Variants in CLCNKB observed in about 807,000 individuals in gnomAD.
CLCNKB encodes chloride voltage-gated channel Kb.
In CLCNKB, 74 loss-of-function variants were observed where a neutral mutation model predicts 83.8. The ratio of observed to expected loss-of-function variants is 0.88; its 90% CI spans 0.73 to 1.07. The LOEUF (loss-of-function observed/expected upper bound fraction) is 1.07. Ranked by LOEUF, CLCNKB falls within the 50% of genes least tolerant of loss-of-function variation. The pLI is 0.00. For missense variants in CLCNKB, 798 were observed against 893.6 expected (o/e 0.89, Z 1.36); for synonymous variants, 358 against 356.6 (o/e 1.00, Z -0.04).
At chr1:16,052,052 G>A (rs2023311315) in intron 14 of CLCNKB, 146 bp from the exon 15 acceptor site, 1 of 1,109,732 alleles carries the variant, frequency 9.0e-7, no homozygotes, top group Non-Finnish European at 1.3e-6. Flanking sequence ...CTCTCACCAA[G>A]CCCAGGCACT....
At chr1:16,051,409 C>T (rs1278961785) in intron 12 of CLCNKB, 69 bp from the exon 13 acceptor site, 11 of 1,558,162 alleles carry the variant, frequency 7.1e-6, no homozygotes, top group African/African-American at 1.4e-5. Context: ...TGTCCCATGT[C>T]CTGTCCTCCC....
chr1:16,044,368 C>CACACACACACACACACAT lies in CLCNKB; in HGVS notation c.-7-108_-7-107insACACACATACACACACAC, dbSNP rs1199552467. The CACACACACACACACACAT allele has an allele frequency of 1.0e-5, 8 of 771,784 alleles. No individual in the cohort carries two copies. The African/African-American group carries it at 1.4e-4, about 13-fold the overall frequency. 47.8% of individuals were successfully genotyped at this position (771,784 alleles called of 1,614,324 possible). A position where few individuals can be genotyped will look rare whatever the true frequency, so the allele number is the denominator to read the frequency against. On this transcript the variant is annotated intron_variant, in intron 1 of 19. Coordinates refer to ENST00000375679, the MANE Select transcript of CLCNKB (RefSeq NM_000085.5). ...TGATAACTTCACATACACACACACACACACACACACGCACAATCTTTCCTC... is the reference window on the plus strand; with the variant it reads ...TGATAACTTCACATACACACACACACACACACACACACACACATACACACACACGCACAATCTTTCCTC...
chr1:16,053,699 C>T lies in CLCNKB; in HGVS notation c.1683C>T (p.Asp561=), dbSNP rs762702674. 6.2e-7 allele frequency: 1 copy of T among 1,613,884 alleles called. No individual in the cohort carries two copies. Among genetic ancestry groups the T allele is most frequent in the Admixed American group, 1.7e-5 (1 of 60,002 alleles). Residue 561 remains aspartate, a synonymous_variant, in exon 16 of 20, where the codon GAC becomes GAT. Transcript: ENST00000375679. ...ACAGCATCACCACACTGGCCAAGGACATGCCACTGGAGGAGGTGGTCAAGG... is the reference window on the plus strand; with the variant it reads ...ACAGCATCACCACACTGGCCAAGGATATGCCACTGGAGGAGGTGGTCAAGG... ...MNHSITTLAK[D]MPLEEVVKVV...
Position 16,053,656 on chromosome 1 carries a change from T to C in CLCNKB, c.1640T>C (p.Val547Ala). The change falls in exon 16 of 20, where the codon GTG (valine) becomes GCG (alanine). Residue 547 changes from valine (V) to alanine (A), a missense_variant. Coordinates refer to ENST00000375679, the MANE Select transcript of CLCNKB (RefSeq NM_000085.5). ...GRNIGSHRVR[V>A]EHFMNHSITT... is the part of the protein sequence containing the mutation. ...GCCTGCAGTTCCCACCGCGTGAGGG[T>C]GGAGCACTTCATGAACCACAGCATC... is the stretch of plus-strand genomic sequence containing the variant. 6.2e-7 allele frequency: 1 copy of C among 1,613,786 alleles called. No homozygotes were observed. Among genetic ancestry groups the C allele is most frequent in the Non-Finnish European group, 8.5e-7 (1 of 1,180,010 alleles).
Position 16,056,461 on chromosome 1 carries a change from T to C in CLCNKB, c.1969T>C (p.Phe657Leu). The C allele has an allele frequency of 6.2e-7, 1 of 1,613,964 alleles. No individual in the cohort carries two copies. Among genetic ancestry groups the C allele is most frequent in the Non-Finnish European group, 8.5e-7 (1 of 1,179,968 alleles). Residue 657 changes from phenylalanine (F) to leucine (L), a missense_variant, in exon 19 of 20, where the codon TTT becomes CTT. Coordinates refer to ENST00000375679, the MANE Select transcript of CLCNKB (RefSeq NM_000085.5). Reference protein sequence around the residue: ...LFELLNLHSLFVTSRGRAVGC... With the variant: ...LFELLNLHSLLVTSRGRAVGC... ...TGAGCTGTTGAACCTTCATTCCCTC[T>C]TTGTGACGTCGCGGGGCAGAGCTGT... is the stretch of plus-strand genomic sequence containing the variant.
intron 4 of CLCNKB, among the ~76,000 whole-genome samples, chr1:16,047,310 T>C (rs900162414): frequency 3.9e-5 from 6 of 151,970 alleles, no homozygotes; most frequent in African/African-American, 9.7e-5. Flanking sequence ...CTGGGCATGA[T>C]TGCATGTGCC....
intron 3 of CLCNKB, 68 bp downstream of exon 3, chr1:16,045,754 G>T: frequency 1.4e-6 from 2 of 1,452,240 alleles, no homozygotes; most frequent in South Asian, 2.3e-5. Flanking sequence ...GATGCCAGGT[G>T]GATGTCGCCA....
Position 16,052,355 on chromosome 1 carries a change from C to T in CLCNKB, c.1566C>T (p.Gly522=). The change falls in exon 15 of 20, where the codon GGC becomes GGT. Residue 522 remains glycine, a synonymous_variant. Coordinates refer to ENST00000375679, the MANE Select transcript of CLCNKB (RefSeq NM_000085.5). ...AQSCQPSFYD[G]TVIVKKLPYL... ...GCTGCCAGCCCTCCTTCTATGATGG[C>T]ACCGTCATTGTCAAGAAGCTGCCAT... 1.2e-6 allele frequency: 2 copies of T among 1,613,238 alleles called. No individual in the cohort carries two copies. The highest frequency in any genetic ancestry group is 1.7e-6 in the Non-Finnish European group (2 of 1,180,034).
chr1:16,053,813 T>C (rs371873995), intron 16 of CLCNKB, 41 bp downstream of exon 16: 4 of 1,612,272 alleles, frequency 2.5e-6, no homozygotes, highest in Non-Finnish European at 3.4e-6. Flanking sequence ...GGGTAGGGGA[T>C]GCCCTCTGCC....
intron 16 of CLCNKB, 117 bp from the exon 17 acceptor site, chr1:16,055,318 A>T: frequency 1.2e-6 from 1 of 829,464 alleles, no homozygotes; most frequent in Non-Finnish European, 2.0e-6. Flanking sequence ...GGGTGACAAT[A>T]GTCACAATAG....
rs768338456 is a variant in CLCNKB, at chr1:16,044,471, T to C, written c.-7-15T>C. On this transcript the variant is annotated splice_polypyrimidine_tract_variant and intron_variant, in intron 1 of 19. Coordinates refer to ENST00000375679, the MANE Select transcript of CLCNKB (RefSeq NM_000085.5). ...AGCAGCTCACCGCGGTCCCTCCCTCTATCCGCTTCTCCAGGGGCCTGATGG... is the reference window on the plus strand; with the variant it reads ...AGCAGCTCACCGCGGTCCCTCCCTCCATCCGCTTCTCCAGGGGCCTGATGG... 5.7e-6 allele frequency: 9 copies of C among 1,584,894 alleles called. No individual in the cohort carries two copies. Among genetic ancestry groups the C allele is most frequent in the Admixed American group, 3.7e-5 (2 of 54,314 alleles).
rs570335863 is a variant in CLCNKB at position 16,047,955 on chromosome 1, G to T, written c.409G>T (p.Asp137Tyr). ...KTMLAGVVLEDYLDIKNFGAK... is the reference protein window; with the variant it reads ...KTMLAGVVLEYYLDIKNFGAK... ...CATGTTGGCGGGTGTGGTCTTGGAG[G>T]ACTACCTGGATATCAAGAACTTTGG... Residue 137 changes from aspartate (D) to tyrosine (Y), a missense_variant, in exon 5 of 20, where the codon GAC (aspartate) becomes TAC (tyrosine). Physicochemically the swap from Asp to Tyr is radical, Grantham distance 160. Transcript: ENST00000375679. 6.2e-7 allele frequency: 1 copy of T among 1,614,084 alleles called. No homozygotes were observed. Among genetic ancestry groups the T allele is most frequent in the African/African-American group, 1.3e-5 (1 of 74,998 alleles).
At chr1:16,048,976 C>T (rs1341997339) in intron 7 of CLCNKB, 144 bp from the exon 8 acceptor site, 4 of 1,562,462 alleles carry the variant, frequency 2.6e-6, no homozygotes, top group African/African-American at 1.4e-5. Context: ...GGGCGCATGC[C>T]CTGCCCTCCC....
intron 5 of CLCNKB, 44 bp downstream of exon 5, chr1:16,048,088 A>G: frequency 1.9e-6 from 3 of 1,594,124 alleles, no homozygotes; most frequent in Non-Finnish European, 2.6e-6. Context: ...TACCCACCCC[A>G]GCCACCCCAG....
intron 16 of CLCNKB, 117 bp from the exon 17 acceptor site, chr1:16,055,318 A>G: frequency 1.2e-6 from 1 of 829,464 alleles, no homozygotes; most frequent in Middle Eastern, 2.2e-4. Flanking sequence ...GGGTGACAAT[A>G]GTCACAATAG....
intron 2 of CLCNKB, among the ~76,000 whole-genome samples, chr1:16,045,066 C>G (rs2023060353): frequency 6.6e-6 from 1 of 151,860 alleles, no homozygotes; most frequent in Admixed American, 6.6e-5. Flanking sequence ...ACCCCAGGGG[C>G]TGGTGCCCAC....
chr1:16,049,961 C>A lies in CLCNKB; in HGVS notation c.968+45C>A, dbSNP rs374950020. The A allele has an allele frequency of 4.5e-5, 53 of 1,178,518 alleles. No homozygotes were observed. In the East Asian group the frequency reaches 1.2e-3, roughly 27 times the overall value. The allele number at this position is 1,178,518 out of a possible 1,614,324, so 73.0% of individuals were successfully genotyped here. On this transcript the variant is annotated intron_variant, in intron 10 of 19. Coordinates refer to ENST00000375679, the MANE Select transcript of CLCNKB (RefSeq NM_000085.5). ...CTGGGGACCTCTCAGCGAGCTCCCC[C>A]CTCACCGTACTCCCAACCTTATGTA...
At chr1:16,049,983 T>C in intron 10 of CLCNKB, 67 bp downstream of exon 10, 2 of 1,162,820 alleles carry the variant, frequency 1.7e-6, no homozygotes, top group South Asian at 2.5e-5. Flanking sequence ...CCCAACCTTA[T>C]GTAGAAAGCT....
chr1:16,050,177 C>A (rs1227342062), intron 10 of CLCNKB, among the ~76,000 whole-genome samples: 1 of 151,122 alleles, frequency 6.6e-6, no homozygotes, highest in Non-Finnish European at 1.5e-5. Flanking sequence ...CCTCACTGAC[C>A]TTTAACCCCC....
Sources: gnomAD v4.1 joint callset for allele counts (sites outside exome capture counted in the v4.1 genomes callset) on GRCh38, gnomAD v4.1.1 for gene constraint, MANE v1.5 for transcripts, NCBI Gene and HGNC (gene_info 2026-07-23, HGNC 2026-07-21) for gene names.